Variants in SYNPR observed in about 807,000 individuals in gnomAD.
SYNPR encodes the protein synaptoporin.
A neutral mutation model predicts 32.9 loss-of-function variants in SYNPR; 23 were observed. That is an observed-to-expected ratio of 0.70 (90% CI 0.50 to 0.99). The LOEUF is 0.99. Ranked by LOEUF, SYNPR falls within the 50% of genes least tolerant of loss-of-function variation. The pLI, the probability that SYNPR is intolerant of heterozygous loss-of-function variation, is 0.00. For synonymous variants in SYNPR, 146 were observed against 135.9 expected (o/e 1.07, Z -0.52); for missense variants, 318 against 349.3 (o/e 0.91, Z 0.71).
chr3:63,386,325 A>C (rs886414160), intron 2 of SYNPR, among the ~76,000 whole-genome samples: 1 of 152,190 alleles, frequency 6.6e-6, no homozygotes, highest in African/African-American at 2.4e-5. Context: ...CTCCAAACAC[A>C]AAGAAATAAA....
At chr3:63,459,014 TTAAG>T (rs773124013) in intron 2 of SYNPR, among the ~76,000 whole-genome samples, 13 of 152,058 alleles carry the variant, frequency 8.5e-5, no homozygotes, top group Non-Finnish European at 1.8e-4. Context: ...CTCCCGTCAC[TTAAG>T]TTTCTCCTTG....
At chr3:63,574,518 G>T (rs1702944742) in intron 4 of SYNPR, among the ~76,000 whole-genome samples, 1 of 152,130 alleles carries the variant, frequency 6.6e-6, no homozygotes, top group Admixed American at 6.5e-5. Context: ...CTGGCAATGG[G>T]ATACTGCTAA....
rs572257588 is a variant in SYNPR at position 63,324,989 on chromosome 3, T to C, written c.84+46247T>C. Among the ~76,000 whole-genome samples, 22 of 152,244 alleles carry C rather than the reference T, an allele frequency of 1.4e-4. No homozygotes were observed. In the South Asian group the frequency reaches 4.4e-3, roughly 30 times the overall value. On this transcript the variant is annotated intron_variant, in intron 2 of 5. Coordinates refer to ENST00000478300, the MANE Select transcript of SYNPR (RefSeq NM_001130003.2). ...CTCTCAAGGCATTTTTCCCTCATAA[T>C]GCCTCAGTTACACTAACTCAGGTTG...
chr3:63,499,464 G>A (rs578156632), intron 3 of SYNPR, among the ~76,000 whole-genome samples: 1 of 152,102 alleles, frequency 6.6e-6, no homozygotes, highest in East Asian at 1.9e-4. Context: ...GAGAGAGTAG[G>A]AACAAAGGAG....
At chr3:63,479,597 C>T (rs944842459) in intron 2 of SYNPR, among the ~76,000 whole-genome samples, 3 of 152,046 alleles carry the variant, frequency 2.0e-5, no homozygotes, top group African/African-American at 7.2e-5. Context: ...TTTTTCTACC[C>T]TTGATTAAGA....
intron 2 of SYNPR, among the ~76,000 whole-genome samples, chr3:63,394,990 T>C (rs1011048017): frequency 3.3e-5 from 5 of 152,166 alleles, no homozygotes; most frequent in African/African-American, 1.2e-4. Flanking sequence ...CATCTACTAA[T>C]ATATACCACC....
intron 3 of SYNPR, among the ~76,000 whole-genome samples, chr3:63,518,424 G>T (rs905670541): frequency 6.6e-6 from 1 of 152,060 alleles, no homozygotes; most frequent in South Asian, 2.1e-4. Flanking sequence ...TGTGTCCCAG[G>T]CCTGGAACAA....
intron 2 of SYNPR, among the ~76,000 whole-genome samples, chr3:63,454,430 G>A (rs889127034): frequency 6.6e-6 from 1 of 152,100 alleles, no homozygotes; most frequent in Non-Finnish European, 1.5e-5. Context: ...CCCAGAGAAT[G>A]TGTAACTATT....
chr3:63,204,924 G>T, the SYNPR span, among the ~76,000 whole-genome samples: 1 of 152,102 alleles, frequency 6.6e-6, no homozygotes, highest in Admixed American at 6.5e-5. Flanking sequence ...CTGACCTCAG[G>T]TGATCTGCCC....
intron 2 of SYNPR, among the ~76,000 whole-genome samples, chr3:63,468,131 T>C (rs1478019725): frequency 6.8e-6 from 1 of 147,472 alleles, no homozygotes; most frequent in Non-Finnish European, 1.5e-5. Context: ...GAGGTGGAGG[T>C]TGCAGTGAGC....
intron 3 of SYNPR, among the ~76,000 whole-genome samples, 175 bp downstream of exon 3, chr3:63,481,131 G>A (rs531265505): frequency 6.6e-6 from 1 of 152,022 alleles, no homozygotes; most frequent in African/African-American, 2.4e-5. Flanking sequence ...GTGGGCACTG[G>A]GAGGATTTAT....
chr3:63,278,569 A>T lies in SYNPR; in HGVS notation c.18+18A>T. On this transcript the variant is annotated intron_variant, in intron 1 of 5. Coordinates refer to ENST00000478300, the MANE Select transcript of SYNPR (RefSeq NM_001130003.2). ...TGAGTCAGGTGAGACAGAACTGGGC[A>T]GGGCGGCTGGCTGGGAGCAGGGGGC... 6.4e-7 allele frequency: 1 copy of T among 1,551,002 alleles called. No individual in the cohort carries two copies. Among genetic ancestry groups the T allele is most frequent in the Non-Finnish European group, 8.7e-7 (1 of 1,146,494 alleles).
intron 3 of SYNPR, among the ~76,000 whole-genome samples, chr3:63,503,090 C>T (rs1231496228): frequency 6.6e-6 from 1 of 152,106 alleles, no homozygotes; most frequent in Non-Finnish European, 1.5e-5. Flanking sequence ...TGCATTCCCA[C>T]CAGAAATAAA....
At chr3:63,490,165 G>T (rs1368913585) in intron 3 of SYNPR, among the ~76,000 whole-genome samples, 2 of 152,116 alleles carry the variant, frequency 1.3e-5, no homozygotes, top group South Asian at 2.1e-4. Flanking sequence ...TGTCTGAGGG[G>T]TATATTCCAG....
chr3:63,330,620 A>G (rs1260830096), intron 2 of SYNPR, among the ~76,000 whole-genome samples: 2 of 152,200 alleles, frequency 1.3e-5, no homozygotes, highest in African/African-American at 4.8e-5. Flanking sequence ...AGGAGATGAT[A>G]AACACTTATA....
At chr3:63,508,406 G>C (rs897662987) in intron 3 of SYNPR, among the ~76,000 whole-genome samples, 1 of 152,180 alleles carries the variant, frequency 6.6e-6, no homozygotes, top group African/African-American at 2.4e-5. Flanking sequence ...ATAAGTGCCA[G>C]GGGAGTAAAA....
At chr3:63,482,284 C>T (rs1200578871) in intron 3 of SYNPR, among the ~76,000 whole-genome samples, 1 of 152,122 alleles carries the variant, frequency 6.6e-6, no homozygotes, top group Non-Finnish European at 1.5e-5. Flanking sequence ...AAATGTATTG[C>T]CATCTATAGC....
At chr3:63,491,592 C>T (rs1227290612) in intron 3 of SYNPR, among the ~76,000 whole-genome samples, 1 of 152,160 alleles carries the variant, frequency 6.6e-6, no homozygotes, top group Non-Finnish European at 1.5e-5. Flanking sequence ...GCAATCTGGA[C>T]TTACTGCAAT....
intron 3 of SYNPR, among the ~76,000 whole-genome samples, chr3:63,552,610 T>A (rs2106822958): frequency 6.6e-6 from 1 of 152,134 alleles, no homozygotes; most frequent in South Asian, 2.1e-4. Context: ...CCTCTAGAGG[T>A]TTCAATTCAG....
Sources: allele counts gnomAD v4.1 joint callset (sites outside exome capture counted in the v4.1 genomes callset), GRCh38; gene constraint gnomAD v4.1.1; transcripts MANE v1.5; gene names NCBI Gene and HGNC (gene_info 2026-07-23, HGNC 2026-07-21).